SRGAP3: variants seen among roughly 807,000 people sequenced by gnomAD.
SRGAP3 encodes the protein SLIT-ROBO Rho GTPase-activating protein 3.
SRGAP3 carries 39 observed loss-of-function variants against 121.1 expected under a neutral mutation model. The observed-to-expected ratio is 0.32, with a 90% CI of 0.25 to 0.42. The LOEUF is 0.42. Among genes scored for constraint, SRGAP3 ranks in the 10% least tolerant of loss-of-function variants. The pLI, the probability that SRGAP3 is intolerant of heterozygous loss-of-function variation, is 1.00. For missense variants in SRGAP3, 1,213 were observed against 1,470.6 expected, an observed-to-expected ratio of 0.82 and a Z score of 2.86; for synonymous variants, 601 against 570.0, an observed-to-expected ratio of 1.05 and a Z score of -0.77.
intron 3 of SRGAP3, among the ~76,000 whole-genome samples, chr3:9,103,802 C>T (rs1177332967): frequency 6.6e-6 from 1 of 152,230 alleles, no homozygotes; most frequent in African/African-American, 2.4e-5. Context: ...GCACCTTGTA[C>T]ATGCCAGGCA....
intron 3 of SRGAP3, among the ~76,000 whole-genome samples, chr3:9,304,673 TC>T (rs1955127523): frequency 6.6e-6 from 1 of 151,982 alleles, no homozygotes; most frequent in East Asian, 1.9e-4. Flanking sequence ...TTTGGGCTTC[TC>T]CCCCTCCGCA....
chr3:9,000,285 C>T (rs950366709), intron 18 of SRGAP3, among the ~76,000 whole-genome samples: 2 of 152,202 alleles, frequency 1.3e-5, no homozygotes, highest in African/African-American at 2.4e-5. Context: ...GGGCATGGCA[C>T]CACTGAAAAT....
At chr3:9,219,843 A>G (rs1300657628) in intron 1 of SRGAP3, among the ~76,000 whole-genome samples, 1 of 152,130 alleles carries the variant, frequency 6.6e-6, no homozygotes, top group African/African-American at 2.4e-5. Flanking sequence ...AGAGTACAAA[A>G]AAATAAAGAA....
At position 9,213,389 on chromosome 3, in the gene SRGAP3, G is replaced by A. The variant is rs76679259; in HGVS notation, c.67+35496C>T. ...TCCTCAACTCCCTCCACACTCCTCA[G>A]AGCAAGAAACCAGAAGAGCAAAGGG... On this transcript the variant is annotated intron_variant, in intron 1 of 21. Coordinates refer to ENST00000383836, the MANE Select transcript of SRGAP3 (RefSeq NM_014850.4). Among the ~76,000 whole-genome samples, 931 of 151,412 alleles carry A rather than the reference G, an allele frequency of 6.1e-3. 2 individuals are homozygous for A. The highest frequency in any genetic ancestry group is 0.01 in the Non-Finnish European group (703 of 67,910).
At chr3:9,199,159 A>G (rs1389365737) in intron 1 of SRGAP3, among the ~76,000 whole-genome samples, 1 of 152,196 alleles carries the variant, frequency 6.6e-6, no homozygotes, top group Non-Finnish European at 1.5e-5. Flanking sequence ...AGGATGCTCA[A>G]GGGCTCCGTT....
intron 2 of SRGAP3, among the ~76,000 whole-genome samples, chr3:9,124,097 T>G (rs956589377): frequency 3.9e-5 from 6 of 152,058 alleles, no homozygotes; most frequent in African/African-American, 1.4e-4. Context: ...GCTGGAGGAT[T>G]CAGGACCTGC....
At chr3:9,255,635 C>T (rs1204978200) in intron 3 of SRGAP3, among the ~76,000 whole-genome samples, 2 of 152,124 alleles carry the variant, frequency 1.3e-5, no homozygotes, top group Non-Finnish European at 2.9e-5. Flanking sequence ...TGCCCTGGCA[C>T]TTTGGGATGG....
chr3:9,049,532 C>A (rs1433726481), intron 9 of SRGAP3: 1 of 455,586 alleles, frequency 2.2e-6, no homozygotes, highest in Non-Finnish European at 4.4e-6. Flanking sequence ...GGGCAGATTA[C>A]CGAGCATTTC....
At chr3:9,163,792 T>C (rs972722928) in intron 1 of SRGAP3, among the ~76,000 whole-genome samples, 7 of 152,046 alleles carry the variant, frequency 4.6e-5, no homozygotes, top group African/African-American at 1.7e-4. Context: ...AACATCCCTA[T>C]AGGAAACACT....
At chr3:9,022,936 C>G (rs567291573) in intron 14 of SRGAP3, among the ~76,000 whole-genome samples, 11 of 152,282 alleles carry the variant, frequency 7.2e-5, no homozygotes, top group African/African-American at 2.6e-4. Context: ...TTGTTAGGAG[C>G]AGAGAATTCT....
chr3:9,138,492 G>A (rs904754088), intron 1 of SRGAP3, among the ~76,000 whole-genome samples: 3 of 152,200 alleles, frequency 2.0e-5, no homozygotes, highest in Admixed American at 2.0e-4. Context: ...AATCAAAAAG[G>A]TTGAAGGCAG....
intron 1 of SRGAP3, chr3:9,219,120 C>G (rs950556788): frequency 6.6e-6 from 1 of 152,172 alleles, no homozygotes; most frequent in East Asian, 1.9e-4. Context: ...CAGGTGTGAA[C>G]CATCATGCCT....
chr3:9,153,757 TTATTG>T (rs1401504493), intron 1 of SRGAP3, among the ~76,000 whole-genome samples: 5 of 152,216 alleles, frequency 3.3e-5, no homozygotes, highest in Non-Finnish European at 7.3e-5. Flanking sequence ...TTATGACATA[TTATTG>T]TATACATTAT....
chr3:9,347,893 G>T (rs2728939), intron 1 of SRGAP3, among the ~76,000 whole-genome samples: 123,183 of 152,252 alleles, frequency 0.81, 50,521 homozygotes, highest in East Asian at 0.93. Context: ...TTCCATTCCC[G>T]TATGGAGGAA....
chr3:9,304,489 T>C (rs1955124123), intron 3 of SRGAP3, among the ~76,000 whole-genome samples: 1 of 152,180 alleles, frequency 6.6e-6, no homozygotes, highest in African/African-American at 2.4e-5. Flanking sequence ...CAGCATTCTA[T>C]CTTTAGCATC....
At chr3:9,279,809 G>C (rs767270938) in intron 3 of SRGAP3, among the ~76,000 whole-genome samples, 5 of 152,006 alleles carry the variant, frequency 3.3e-5, no homozygotes, top group African/African-American at 1.2e-4. Flanking sequence ...CACTGCACCC[G>C]ACCACAAACA....
chr3:9,313,027 T>C (rs1472709796), intron 3 of SRGAP3, among the ~76,000 whole-genome samples: 2 of 151,880 alleles, frequency 1.3e-5, no homozygotes, highest in Admixed American at 1.3e-4. Context: ...ACAAACGTCA[T>C]CTTCCTCCTC....
chr3:9,155,224 T>C (rs911985102), intron 1 of SRGAP3, among the ~76,000 whole-genome samples: 1 of 152,234 alleles, frequency 6.6e-6, no homozygotes, highest in African/African-American at 2.4e-5. Flanking sequence ...TTCAGGATTC[T>C]TCCTAATGGC....
At chr3:9,214,991 T>TAA (rs1553692898) in intron 1 of SRGAP3, among the ~76,000 whole-genome samples, 2 of 152,220 alleles carry the variant, frequency 1.3e-5, no homozygotes, top group South Asian at 2.1e-4. Context: ...CCTGGGAGGA[T>TAA]AAAGTGAGGT....
Sources: allele counts gnomAD v4.1 joint callset (sites outside exome capture counted in the v4.1 genomes callset), GRCh38; gene constraint gnomAD v4.1.1; transcripts MANE v1.5; gene names NCBI Gene and HGNC (gene_info 2026-07-23, HGNC 2026-07-21).